RBFOX1: variants seen among roughly 807,000 people sequenced by gnomAD.
RBFOX1 encodes RNA binding protein fox-1 homolog 1.
RBFOX1 carries 8 observed loss-of-function variants against 57.7 expected under a neutral mutation model. The observed-to-expected ratio is 0.14, with a 90% CI of 0.08 to 0.25. The LOEUF is 0.25. Among genes scored for constraint, RBFOX1 ranks in the 10% least tolerant of loss-of-function variants. The probability of loss-of-function intolerance (pLI) is 1.00; values close to 1 mark genes in which losing one functional copy is unlikely to be tolerated. For missense variants in RBFOX1, 611 were observed against 548.5 expected (o/e 1.11, Z -1.14); for synonymous variants, 326 against 222.4 (o/e 1.47, Z -4.15).
At chr16:6,683,712 G>A (rs771211337) in intron 3 of RBFOX1, among the ~76,000 whole-genome samples, 7 of 152,132 alleles carry the variant, frequency 4.6e-5, no homozygotes, top group Non-Finnish European at 8.8e-5. Flanking sequence ...AAGTACAGCA[G>A]GGTGTGTGAG....
At chr16:6,360,550 A>G (rs1458159228) in intron 2 of RBFOX1, among the ~76,000 whole-genome samples, 4 of 152,220 alleles carry the variant, frequency 2.6e-5, no homozygotes, top group East Asian at 3.8e-4. Context: ...TCTGTTTTAT[A>G]GAAATGGCAA....
At chr16:7,478,567 T>C (rs1336242272) in intron 4 of RBFOX1, among the ~76,000 whole-genome samples, 1 of 152,200 alleles carries the variant, frequency 6.6e-6, no homozygotes, top group African/African-American at 2.4e-5. Context: ...ATGCTGGGCA[T>C]TGGCACACCT....
intron 3 of RBFOX1, among the ~76,000 whole-genome samples, chr16:6,684,781 A>G (rs185715027): frequency 4.6e-5 from 7 of 152,316 alleles, no homozygotes; most frequent in African/African-American, 1.7e-4. Context: ...GAAACAGGAA[A>G]GTTTGGAGGA....
At chr16:7,482,302 G>T (rs1269468200) in intron 4 of RBFOX1, among the ~76,000 whole-genome samples, 5 of 152,196 alleles carry the variant, frequency 3.3e-5, no homozygotes, top group Admixed American at 2.0e-4. Flanking sequence ...ACTCTGTGAA[G>T]TGCTTTAGGG....
At chr16:7,185,041 A>C (rs1020889018) in intron 4 of RBFOX1, among the ~76,000 whole-genome samples, 3 of 152,224 alleles carry the variant, frequency 2.0e-5, no homozygotes, top group Non-Finnish European at 2.9e-5. Context: ...AGATTAAATA[A>C]CATACTTGAA....
chr16:6,012,752 C>T (rs1170136296), intron 4 of RBFOX1, among the ~76,000 whole-genome samples: 1 of 152,176 alleles, frequency 6.6e-6, no homozygotes, highest in Non-Finnish European at 1.5e-5. Flanking sequence ...CCTGCCCTGC[C>T]ATCTTCAGTA....
chr16:7,371,991 C>A (rs74010675), intron 4 of RBFOX1, among the ~76,000 whole-genome samples: 1,893 of 151,976 alleles, frequency 0.012, 39 homozygotes, highest in African/African-American at 0.044. Context: ...ATAAACATTA[C>A]TGCTACACAT....
intron 3 of RBFOX1, among the ~76,000 whole-genome samples, chr16:6,877,619 G>A (rs1303817278): frequency 6.6e-6 from 1 of 152,132 alleles, no homozygotes; most frequent in African/African-American, 2.4e-5. Context: ...TTTGCATATT[G>A]CTTTAGAGTT....
In RBFOX1 at chr16:6,448,098, G is replaced by GT. The variant is rs547369257; in HGVS notation, c.-64+131048dup. Among the ~76,000 whole-genome samples the GT allele has an allele frequency of 1.1e-3, 155 of 136,872 alleles. 1 individual carries two copies. Among genetic ancestry groups the GT allele is most frequent in the East Asian group, 3.9e-3 (18 of 4,572 alleles). 89.8% of individuals were successfully genotyped at this position (136,872 alleles called of 152,430 possible). The stretch of plus-strand genomic sequence containing the variant: ...TGAATAATTCATGTTTGTTCGTTTG[G>GT]TTTTTTTATAACATATAACTGATCA... On this transcript the variant is annotated intron_variant, in intron 2 of 15. Coordinates refer to ENST00000550418, the MANE Select transcript of RBFOX1 (RefSeq NM_018723.4).
At chr16:5,486,470 G>C (rs2042631383) in intron 2 of RBFOX1, among the ~76,000 whole-genome samples, 1 of 152,178 alleles carries the variant, frequency 6.6e-6, no homozygotes, top group Non-Finnish European at 1.5e-5. Flanking sequence ...TTTTGAGTGT[G>C]GACTCCTTGG....
intron 3 of RBFOX1, among the ~76,000 whole-genome samples, chr16:5,784,373 G>T (rs1416806721): frequency 2.6e-5 from 4 of 151,986 alleles, no homozygotes; most frequent in Non-Finnish European, 5.9e-5. Context: ...CTTGCAGTGA[G>T]CCGAGATCGC....
At chr16:7,055,722 T>C (rs2051957562) in intron 4 of RBFOX1, among the ~76,000 whole-genome samples, 1 of 152,140 alleles carries the variant, frequency 6.6e-6, no homozygotes, top group Non-Finnish European at 1.5e-5. Context: ...ATCAGGCACA[T>C]TGTTACCTGC....
chr16:7,028,584 TCACACACA>T (rs59540999), intron 3 of RBFOX1, among the ~76,000 whole-genome samples: 2,207 of 54,880 alleles, frequency 0.04, 120 homozygotes, highest in Middle Eastern at 0.096. Flanking sequence ...TGAAACTCCC[TCACACACA>T]CACACACACA....
intron 3 of RBFOX1, among the ~76,000 whole-genome samples, chr16:5,827,018 T>C (rs1471765082): frequency 6.6e-6 from 1 of 152,188 alleles, no homozygotes; most frequent in South Asian, 2.1e-4. Flanking sequence ...GAAGCCTATC[T>C]CTTCGTTGGA....
rs548616091 is a variant in RBFOX1, at chr16:5,668,018, G to GA, written c.318+69068dup. Among the ~76,000 whole-genome samples, 802 of 147,020 alleles carry GA rather than the reference G, an allele frequency of 5.5e-3. 6 individuals are homozygous for GA. The highest frequency in any genetic ancestry group is 0.019 in the African/African-American group (771 of 40,282). On this transcript the variant is annotated intron_variant, in intron 3 of 19. Coordinates refer to the RBFOX1 transcript ENST00000641259. ...AGAAATACACCATTTTGTCCACCAG[G>GA]AAAAAAAAAAATTCCAACAACCACA...
intron 4 of RBFOX1, among the ~76,000 whole-genome samples, chr16:5,912,548 C>G (rs1399029842): frequency 6.6e-6 from 1 of 152,126 alleles, no homozygotes; most frequent in Non-Finnish European, 1.5e-5. Context: ...GCTTTTATGC[C>G]AAAGTCATTT....
chr16:6,898,910 T>G (rs1425637007), intron 3 of RBFOX1, among the ~76,000 whole-genome samples: 1 of 151,076 alleles, frequency 6.6e-6, no homozygotes, highest in Non-Finnish European at 1.5e-5. Context: ...CGTATGTGTT[T>G]GTGCATATGT....
chr16:7,154,219 C>G (rs1006371758), intron 4 of RBFOX1, among the ~76,000 whole-genome samples: 2 of 152,190 alleles, frequency 1.3e-5, no homozygotes, highest in Admixed American at 6.5e-5. Flanking sequence ...GATCATGTTA[C>G]TGCCTTGGAG....
chr16:7,529,049 A>G (rs1018098690), intron 5 of RBFOX1, among the ~76,000 whole-genome samples: 2 of 152,216 alleles, frequency 1.3e-5, no homozygotes, highest in Admixed American at 1.3e-4. Context: ...ACTTGAGGCC[A>G]GTGATTCAAG....
Sources: allele counts gnomAD v4.1 joint callset (sites outside exome capture counted in the v4.1 genomes callset), GRCh38; gene constraint gnomAD v4.1.1; transcripts MANE v1.5; gene names NCBI Gene and HGNC (gene_info 2026-07-23, HGNC 2026-07-21).